Variants in GPC5 observed in about 807,000 individuals in gnomAD.
The protein encoded by GPC5 is glypican-5.
Under a neutral mutation model 53.9 loss-of-function variants are expected in GPC5, and 47 were observed. The ratio of observed to expected loss-of-function variants is 0.87; its 90% CI spans 0.69 to 1.11. The LOEUF is 1.11. GPC5 is among the 50% of genes most tolerant of loss of function. The probability of loss-of-function intolerance (pLI) is 0.00; values close to 1 mark genes in which losing one functional copy is unlikely to be tolerated. For missense variants in GPC5, 748 were observed against 713.1 expected (o/e 1.05, Z -0.56); for synonymous variants, 286 against 263.3 (o/e 1.09, Z -0.84).
At chr13:92,612,816 G>A (rs1884484616) in intron 7 of GPC5, among the ~76,000 whole-genome samples, 1 of 152,100 alleles carries the variant, frequency 6.6e-6, no homozygotes. Context: ...TAAGATATTT[G>A]TAAAGTTCTT....
chr13:92,497,182 G>A (rs890099725), intron 7 of GPC5, among the ~76,000 whole-genome samples: 1 of 152,126 alleles, frequency 6.6e-6, no homozygotes, highest in Non-Finnish European at 1.5e-5. Context: ...CTTTGCCAAT[G>A]CCTGTGTCCT....
At chr13:92,106,930 CT>C (rs1421355100) in intron 6 of GPC5, among the ~76,000 whole-genome samples, 2 of 152,192 alleles carry the variant, frequency 1.3e-5, no homozygotes, top group African/African-American at 4.8e-5. Flanking sequence ...TCTCTCCTTC[CT>C]TTGAGACTAC....
At chr13:92,379,477 T>A (rs1381375606) in intron 7 of GPC5, among the ~76,000 whole-genome samples, 1 of 152,162 alleles carries the variant, frequency 6.6e-6, no homozygotes, top group African/African-American at 2.4e-5. Context: ...TCTCTCTCTG[T>A]CCTCTGCACG....
intron 7 of GPC5, among the ~76,000 whole-genome samples, chr13:92,628,113 A>C (rs1055138361): frequency 1.3e-5 from 2 of 152,102 alleles, no homozygotes; most frequent in Non-Finnish European, 2.9e-5. Context: ...TAAGTAAAGG[A>C]GATCCAGCCA....
At chr13:91,450,681 T>C (rs772499323) in intron 2 of GPC5, among the ~76,000 whole-genome samples, 15 of 152,214 alleles carry the variant, frequency 9.9e-5, no homozygotes, top group Non-Finnish European at 2.2e-4. Flanking sequence ...CTTTGTTTTC[T>C]GTTTACTAAA....
At chr13:91,721,758 T>G (rs1458498294) in intron 3 of GPC5, among the ~76,000 whole-genome samples, 1 of 152,228 alleles carries the variant, frequency 6.6e-6, no homozygotes, top group Non-Finnish European at 1.5e-5. Context: ...TTCCCATGGC[T>G]GTTTGTTAAC....
intron 7 of GPC5, among the ~76,000 whole-genome samples, chr13:92,260,431 T>C (rs1211842769): frequency 1.3e-5 from 2 of 152,194 alleles, no homozygotes; most frequent in Non-Finnish European, 2.9e-5. Context: ...AATATGAAAG[T>C]ACTATCATGG....
intron 6 of GPC5, among the ~76,000 whole-genome samples, chr13:92,143,468 G>A (rs562587998): frequency 6.6e-6 from 1 of 152,102 alleles, no homozygotes; most frequent in African/African-American, 2.4e-5. Flanking sequence ...ATACACATCA[G>A]TATATTAAAC....
chr13:92,577,416 A>G (rs866314590), intron 7 of GPC5, among the ~76,000 whole-genome samples: 3,318 of 95,544 alleles, frequency 0.035, 119 homozygotes, highest in African/African-American at 0.12. Context: ...GTATGTATGT[A>G]TATGTGTGTG....
intron 7 of GPC5, among the ~76,000 whole-genome samples, chr13:92,584,749 C>T (rs1883482525): frequency 6.6e-6 from 1 of 152,030 alleles, no homozygotes; most frequent in Non-Finnish European, 1.5e-5. Context: ...AAATGGTTTC[C>T]TGGGCCAGGC....
At chr13:91,688,480 TAATACATATTGAAAGTCCCCC>T (rs1407667806) in intron 2 of GPC5, among the ~76,000 whole-genome samples, 1 of 152,184 alleles carries the variant, frequency 6.6e-6, no homozygotes. Context: ...ATATCAGGTT[TAATACATATTGAAAGTCCCCC>T]AATTTTTTGA....
chr13:92,333,653 G>A (rs1351457897), intron 7 of GPC5, among the ~76,000 whole-genome samples: 1 of 152,070 alleles, frequency 6.6e-6, no homozygotes. Context: ...CCTTACTACT[G>A]CATTATTGAA....
intron 7 of GPC5, among the ~76,000 whole-genome samples, chr13:92,250,467 T>G (rs1463071662): frequency 2.0e-5 from 3 of 152,080 alleles, no homozygotes; most frequent in African/African-American, 7.2e-5. Flanking sequence ...ACCATGTGTT[T>G]GAGTTGAGCA....
chr13:92,596,697 C>G (rs781265502), intron 7 of GPC5, among the ~76,000 whole-genome samples: 2 of 152,150 alleles, frequency 1.3e-5, no homozygotes, highest in East Asian at 3.9e-4. Context: ...TGGTCTCAAT[C>G]TCTTGACCTT....
intron 7 of GPC5, among the ~76,000 whole-genome samples, chr13:92,650,443 A>G (rs576521198): frequency 5.3e-5 from 8 of 152,216 alleles, no homozygotes; most frequent in African/African-American, 1.4e-4. Flanking sequence ...ATGCTTCCAA[A>G]TATTTTTGAC....
At chr13:91,467,466 C>T (rs1479297024) in intron 2 of GPC5, among the ~76,000 whole-genome samples, 1 of 152,012 alleles carries the variant, frequency 6.6e-6, no homozygotes, top group Non-Finnish European at 1.5e-5. Flanking sequence ...TTTCTCATTC[C>T]TCATTTTGCT....
At chr13:92,805,720 G>A (rs1877072894) in intron 7 of GPC5, among the ~76,000 whole-genome samples, 3 of 152,032 alleles carry the variant, frequency 2.0e-5, no homozygotes, top group Admixed American at 6.6e-5. Context: ...ATACAGGCAT[G>A]AGACACTGTG....
chr13:92,627,057 A>G (rs1336492486), intron 7 of GPC5, among the ~76,000 whole-genome samples: 1 of 152,186 alleles, frequency 6.6e-6, no homozygotes, highest in Non-Finnish European at 1.5e-5. Flanking sequence ...ACTTCTTAAA[A>G]CATCTTCCTC....
At chr13:92,754,659 A>C (rs1413724509) in intron 7 of GPC5, among the ~76,000 whole-genome samples, 1 of 151,662 alleles carries the variant, frequency 6.6e-6, no homozygotes, top group Non-Finnish European at 1.5e-5. Context: ...TGGAAAACAA[A>C]AAAAGGCAGG....
Sources: allele counts gnomAD v4.1 joint callset (sites outside exome capture counted in the v4.1 genomes callset), GRCh38; gene constraint gnomAD v4.1.1; transcripts MANE v1.5; gene names NCBI Gene and HGNC (gene_info 2026-07-23, HGNC 2026-07-21).